ADAMTS3: variants seen among roughly 807,000 people sequenced by gnomAD.
ADAMTS3 encodes the protein ADAM metallopeptidase with thrombospondin type 1 motif 3.
Under a neutral mutation model 129.0 loss-of-function variants are expected in ADAMTS3, and 73 were observed. That is an observed-to-expected ratio of 0.57 (90% confidence interval 0.47 to 0.69). The LOEUF (loss-of-function observed/expected upper bound fraction) is 0.69. Among genes scored for constraint, ADAMTS3 ranks in the 30% least tolerant of loss-of-function variants. The pLI is 0.00. For missense variants in ADAMTS3, 1,457 were observed against 1,514.5 expected (o/e 0.96, Z 0.63); for synonymous variants, 477 against 510.8 (o/e 0.93, Z 0.89).
chr4:72,293,282 T>A (rs1425120771), intron 19 of ADAMTS3, among the ~76,000 whole-genome samples: 1 of 152,108 alleles, frequency 6.6e-6, no homozygotes, highest in Non-Finnish European at 1.5e-5. Context: ...TAATGAAAAG[T>A]CTGTTTGGAA....
rs1377262408 is a variant in ADAMTS3 at position 72,530,703 on chromosome 4, T to C, written c.504+17775A>G. Among the ~76,000 whole-genome samples the C allele has an allele frequency of 5.4e-5, 5 of 92,998 alleles. No individual in the cohort carries two copies. The East Asian group carries it at 1.5e-3, about 27-fold the overall frequency. 61.0% of individuals were successfully genotyped at this position (92,998 alleles called of 152,430 possible). On this transcript the variant is annotated intron_variant, in intron 3 of 21. Transcript: ENST00000286657. ...TGTATAATATATATTGTATCATATA[T>C]TATATATTATATATAATATTATACA...
At chr4:72,512,414 C>T (rs890504200) in intron 3 of ADAMTS3, among the ~76,000 whole-genome samples, 13 of 152,138 alleles carry the variant, frequency 8.5e-5, no homozygotes, top group Non-Finnish European at 2.9e-5. Flanking sequence ...ATCGCTTGAA[C>T]CCAGGAGGCA....
intron 3 of ADAMTS3, among the ~76,000 whole-genome samples, chr4:72,475,742 T>C (rs185558482): frequency 1.3e-5 from 2 of 151,722 alleles, no homozygotes; most frequent in Admixed American, 6.6e-5. Context: ...CAAGAGAGAA[T>C]ATATCCTCAT....
chr4:72,443,302 T>G (rs906907520), intron 3 of ADAMTS3, among the ~76,000 whole-genome samples: 7 of 151,710 alleles, frequency 4.6e-5, no homozygotes, highest in Non-Finnish European at 8.9e-5. Flanking sequence ...ATGTTATAAT[T>G]ATGCGTTCAT....
chr4:72,447,458 CAG>C (rs1718286584), intron 3 of ADAMTS3, among the ~76,000 whole-genome samples: 1 of 151,816 alleles, frequency 6.6e-6, no homozygotes, highest in Admixed American at 6.6e-5. Flanking sequence ...AACAGAATGT[CAG>C]TAAACTGCAA....
chr4:72,561,270 C>G (rs567056136), intron 2 of ADAMTS3, among the ~76,000 whole-genome samples: 1 of 152,146 alleles, frequency 6.6e-6, no homozygotes, highest in Non-Finnish European at 1.5e-5. Flanking sequence ...TTGCTTGAAC[C>G]CAGAAGGCAG....
intron 2 of ADAMTS3, 74 bp from the exon 3 acceptor site, chr4:72,548,958 C>T: frequency 7.2e-7 from 1 of 1,381,258 alleles, no homozygotes; most frequent in Non-Finnish European, 9.8e-7. Flanking sequence ...CAGACAAAAG[C>T]TGCCCACCTC....
intron 3 of ADAMTS3, among the ~76,000 whole-genome samples, chr4:72,494,780 T>G (rs1719835520): frequency 6.6e-6 from 1 of 152,146 alleles, no homozygotes; most frequent in Admixed American, 6.6e-5. Context: ...TGTGACAGCT[T>G]TGGCTCAGTT....
chr4:72,375,565 G>A (rs1047196768), intron 4 of ADAMTS3, among the ~76,000 whole-genome samples: 10 of 152,120 alleles, frequency 6.6e-5, no homozygotes, highest in African/African-American at 2.4e-4. Flanking sequence ...AGTGTATGGA[G>A]TCAGGAAAGA....
chr4:72,491,791 T>G (rs1719752082), intron 3 of ADAMTS3, among the ~76,000 whole-genome samples: 1 of 151,832 alleles, frequency 6.6e-6, no homozygotes, highest in Non-Finnish European at 1.5e-5. Context: ...ATAAAATGAG[T>G]TGGAAAGTGT....
intron 4 of ADAMTS3, among the ~76,000 whole-genome samples, chr4:72,400,903 C>T (rs891173102): frequency 1.3e-5 from 2 of 148,434 alleles, no homozygotes; most frequent in Non-Finnish European, 3.0e-5. Flanking sequence ...ATTGGACATA[C>T]ATATATTGGA....
intron 3 of ADAMTS3, among the ~76,000 whole-genome samples, chr4:72,525,709 T>C (rs1299413552): frequency 6.6e-6 from 1 of 152,210 alleles, no homozygotes; most frequent in East Asian, 1.9e-4. Flanking sequence ...GCTATGCTTC[T>C]TGTTCACAGT....
chr4:72,415,044 TA>T lies in ADAMTS3; in HGVS notation c.505-74del, dbSNP rs1269970331. On this transcript the variant is annotated intron_variant, in intron 3 of 21. Transcript: ENST00000286657. Reference sequence around the variant, plus strand: ...TCTTCAGCTCACAAGCACATCTTTTTAAATGTCAAGAATATGACTTGTGAAA... The same window carrying T: ...TCTTCAGCTCACAAGCACATCTTTTTAATGTCAAGAATATGACTTGTGAAA... 3 of 1,130,038 alleles carry T rather than the reference TA, an allele frequency of 2.7e-6. No individual in the cohort carries two copies. The African/African-American group carries it at 4.8e-5, about 18-fold the overall frequency. 70.0% of individuals were successfully genotyped at this position (1,130,038 alleles called of 1,614,324 possible).
In ADAMTS3 at chr4:72,540,528, T is replaced by C. The variant is rs185242422; in HGVS notation, c.504+7950A>G. 2.6e-3 allele frequency among the ~76,000 whole-genome samples: 395 copies of C among 152,242 alleles called. 2 individuals are homozygous for C. The highest frequency in any genetic ancestry group is 9.1e-3 in the African/African-American group (379 of 41,540). ...TAAATAACAAGGAGCCAAATGTTAA[T>C]CCCCAAGACTATGGGGAAAATGTCT... is the stretch of plus-strand genomic sequence containing the variant. On this transcript the variant is annotated intron_variant, in intron 3 of 21. Coordinates refer to ENST00000286657, the MANE Select transcript of ADAMTS3 (RefSeq NM_014243.3).
intron 3 of ADAMTS3, among the ~76,000 whole-genome samples, chr4:72,513,108 G>A (rs1160660575): frequency 6.6e-6 from 1 of 152,132 alleles, no homozygotes; most frequent in Non-Finnish European, 1.5e-5. Context: ...TACTGTCTCT[G>A]GAGAGTACCC....
chr4:72,355,500 T>C (rs1376135494), intron 4 of ADAMTS3, among the ~76,000 whole-genome samples: 5 of 152,068 alleles, frequency 3.3e-5, no homozygotes, highest in African/African-American at 1.2e-4. Flanking sequence ...ATGCTCATAT[T>C]GAAACTTAAT....
intron 4 of ADAMTS3, among the ~76,000 whole-genome samples, chr4:72,393,974 T>C (rs536898768): frequency 4.7e-4 from 72 of 152,364 alleles, no homozygotes; most frequent in African/African-American, 1.1e-3. Flanking sequence ...AAACAGTCTA[T>C]ATCTGGATGT....
chr4:72,403,850 C>A (rs1010055023), intron 4 of ADAMTS3, among the ~76,000 whole-genome samples: 2 of 151,876 alleles, frequency 1.3e-5, no homozygotes, highest in African/African-American at 4.8e-5. Context: ...TTAGAACTTG[C>A]ACAATGGGAA....
intron 3 of ADAMTS3, among the ~76,000 whole-genome samples, chr4:72,500,700 C>T (rs926913310): frequency 6.6e-6 from 1 of 152,024 alleles, no homozygotes; most frequent in African/African-American, 2.4e-5. Flanking sequence ...AAGCTGGTAT[C>T]GATTATGGTA....
Sources: allele counts gnomAD v4.1 joint callset (sites outside exome capture counted in the v4.1 genomes callset), GRCh38; gene constraint gnomAD v4.1.1; transcripts MANE v1.5; gene names NCBI Gene and HGNC (gene_info 2026-07-23, HGNC 2026-07-21).